Variants in MED27 observed in about 807,000 individuals in gnomAD.
MED27 encodes mediator of RNA polymerase II transcription subunit 27.
A neutral mutation model predicts 38.2 loss-of-function variants in MED27; 30 were observed. That is an observed-to-expected ratio of 0.79 (90% CI 0.59 to 1.07). The LOEUF (loss-of-function observed/expected upper bound fraction) is 1.07, where lower values mean the gene tolerates loss of function less well. Among genes scored for constraint, MED27 ranks in the 50% least tolerant of loss-of-function variants. The pLI, the probability that MED27 is intolerant of heterozygous loss-of-function variation, is 0.00. For missense variants in MED27, 289 were observed against 397.5 expected (o/e 0.73, Z 2.32); for synonymous variants, 122 against 153.5 (o/e 0.79, Z 1.52).
chr9:132,038,068 A>G (rs1314355311), intron 2 of MED27, among the ~76,000 whole-genome samples: 2 of 148,514 alleles, frequency 1.3e-5, no homozygotes, highest in African/African-American at 5.0e-5. Flanking sequence ...CTGCTATTCT[A>G]CTTTTTTTTT....
At chr9:131,995,248 G>C (rs1357486243) in intron 3 of MED27, among the ~76,000 whole-genome samples, 2 of 152,062 alleles carry the variant, frequency 1.3e-5, no homozygotes, top group Non-Finnish European at 2.9e-5. Context: ...CATGGAAAAG[G>C]CATTAAACAA....
intron 2 of MED27, among the ~76,000 whole-genome samples, chr9:132,036,909 G>T (rs553962386): frequency 2.0e-4 from 31 of 152,124 alleles, no homozygotes; most frequent in Admixed American, 5.2e-4. Flanking sequence ...ATGCCAGAAG[G>T]ACAGTCCAGG....
chr9:131,928,575 G>C (rs895355388), intron 4 of MED27, among the ~76,000 whole-genome samples: 3 of 152,188 alleles, frequency 2.0e-5, no homozygotes, highest in African/African-American at 7.2e-5. Context: ...CACAGCGACT[G>C]GGGGACTTGC....
chr9:132,028,055 C>G (rs572670787), intron 2 of MED27, among the ~76,000 whole-genome samples: 4 of 152,148 alleles, frequency 2.6e-5, no homozygotes, highest in Non-Finnish European at 4.4e-5. Flanking sequence ...CTACGTGCTC[C>G]GGCCCCAGCT....
chr9:131,874,371 A>C (rs1013855120), intron 6 of MED27, among the ~76,000 whole-genome samples: 44 of 152,172 alleles, frequency 2.9e-4, no homozygotes, highest in African/African-American at 9.4e-4. Flanking sequence ...GCTCTCCTTG[A>C]GGCCACACCT....
chr9:131,985,536 C>T (rs1217017954), intron 3 of MED27, among the ~76,000 whole-genome samples: 1 of 152,160 alleles, frequency 6.6e-6, no homozygotes, highest in East Asian at 1.9e-4. Flanking sequence ...CAGCACAACA[C>T]ATTACTCATG....
chr9:132,038,292 C>T (rs1315972992), intron 2 of MED27, among the ~76,000 whole-genome samples: 4 of 148,382 alleles, frequency 2.7e-5, no homozygotes, highest in Non-Finnish European at 6.0e-5. Context: ...CCCGGGTTCA[C>T]GCCATTCTCC....
At chr9:132,043,030 G>A (rs911639324) in intron 2 of MED27, among the ~76,000 whole-genome samples, 14 of 152,120 alleles carry the variant, frequency 9.2e-5, no homozygotes, top group African/African-American at 1.7e-4. Context: ...GTAGGCAAAT[G>A]TAAAACTCTC....
Position 132,014,407 on chromosome 9 carries a change from C to A in MED27, c.409G>T (p.Ala137Ser), listed in dbSNP as rs543954579. The A allele has an allele frequency of 5.0e-6, 8 of 1,613,806 alleles. No homozygotes were observed. Among genetic ancestry groups the A allele is most frequent in the Middle Eastern group, 1.7e-4 (1 of 5,800 alleles). The change falls in exon 3 of 8, where the codon GCT becomes TCT. Residue 137 changes from alanine (A) to serine (S), a missense_variant. Ala to Ser is a moderately conservative substitution (Grantham distance 99). Transcript: ENST00000292035. ...TTGGCAGATACTCCCATCTGATTAG[C>A]GGAACGCTTCAATGACTGCTGATTT... ...LLNQQSLKRSANQMGVSAKRR... is the reference protein window; with the variant it reads ...LLNQQSLKRSSNQMGVSAKRR...
chr9:131,940,972 T>C (rs188217507), intron 3 of MED27, among the ~76,000 whole-genome samples: 2 of 152,348 alleles, frequency 1.3e-5, no homozygotes, highest in East Asian at 1.9e-4. Flanking sequence ...AGTGCCCTGA[T>C]TGATAGTTCT....
chr9:132,010,498 G>A (rs1832462486), intron 3 of MED27, among the ~76,000 whole-genome samples: 1 of 152,198 alleles, frequency 6.6e-6, no homozygotes, highest in South Asian at 2.1e-4. Context: ...TCTAGAACTA[G>A]AAATACCATT....
At chr9:131,920,731 G>A (rs531259250) in intron 4 of MED27, among the ~76,000 whole-genome samples, 62 of 152,222 alleles carry the variant, frequency 4.1e-4, no homozygotes, top group South Asian at 6.2e-4. Flanking sequence ...AGGAATGGGG[G>A]CCTGGGGAAA....
intron 4 of MED27, among the ~76,000 whole-genome samples, chr9:131,937,388 T>C (rs1830703691): frequency 6.6e-6 from 1 of 152,084 alleles, no homozygotes; most frequent in South Asian, 2.1e-4. Flanking sequence ...GTGTCTGAAT[T>C]AGCGGGGGTG....
chr9:132,021,214 T>G (rs545173388), intron 2 of MED27, among the ~76,000 whole-genome samples: 1 of 152,314 alleles, frequency 6.6e-6, no homozygotes, highest in Non-Finnish European at 1.5e-5. Flanking sequence ...TTGTTTAGAT[T>G]GTTCTACTGC....
intron 2 of MED27, among the ~76,000 whole-genome samples, chr9:132,047,647 T>A (rs1301189708): frequency 2.0e-5 from 3 of 152,124 alleles, no homozygotes; most frequent in Non-Finnish European, 4.4e-5. Context: ...GCCATCAATA[T>A]GTGTATCAGT....
chr9:131,903,432 C>G (rs756647257), intron 4 of MED27, among the ~76,000 whole-genome samples: 1 of 152,196 alleles, frequency 6.6e-6, no homozygotes, highest in Non-Finnish European at 1.5e-5. Flanking sequence ...GGTGGGGACA[C>G]AGAGCCAAAC....
rs539645966 is a variant in MED27 at position 131,959,701 on chromosome 9, T to TA, written c.480-20228dup. ...AGACTGTCCATCTTTGAATGGTACA[T>TA]ACGGTAATTATTCCAGAAAACTCAA... is the stretch of plus-strand genomic sequence containing the variant. On this transcript the variant is annotated intron_variant, in intron 3 of 7. Coordinates refer to ENST00000292035, the MANE Select transcript of MED27 (RefSeq NM_004269.4). Among the ~76,000 whole-genome samples, 22 of 152,356 alleles carry TA rather than the reference T, an allele frequency of 1.4e-4. No individual in the cohort carries two copies. In the East Asian group the frequency reaches 3.9e-3, roughly 27 times the overall value.
chr9:131,966,209 A>C (rs569469001), intron 3 of MED27, among the ~76,000 whole-genome samples: 36 of 139,542 alleles, frequency 2.6e-4, no homozygotes, highest in African/African-American at 9.0e-4. Flanking sequence ...TAAAAAAAAA[A>C]AAAAAACAAA....
intron 5 of MED27, among the ~76,000 whole-genome samples, chr9:131,885,938 G>A (rs1245667958): frequency 1.3e-5 from 2 of 152,204 alleles, no homozygotes; most frequent in Non-Finnish European, 2.9e-5. Flanking sequence ...CCTGCCTTGG[G>A]GGTTGGCCAG....
Sources: allele counts gnomAD v4.1 joint callset (sites outside exome capture counted in the v4.1 genomes callset), GRCh38; gene constraint gnomAD v4.1.1; transcripts MANE v1.5; gene names NCBI Gene and HGNC (gene_info 2026-07-23, HGNC 2026-07-21).